ARHGAP25: variants seen among roughly 807,000 people sequenced by gnomAD.
ARHGAP25 encodes rho GTPase-activating protein 25.
ARHGAP25 carries 34 observed loss-of-function variants against 71.0 expected under a neutral mutation model. The observed-to-expected ratio is 0.48, with a 90% CI of 0.36 to 0.64. The LOEUF (loss-of-function observed/expected upper bound fraction) is 0.64. Ranked by LOEUF, ARHGAP25 falls within the 30% of genes least tolerant of loss-of-function variation. The pLI is 0.00. For missense variants in ARHGAP25, 706 were observed against 805.1 expected (o/e 0.88, Z 1.49); for synonymous variants, 282 against 296.5 (o/e 0.95, Z 0.50).
chr2:68,789,898 G>A (rs568357083), intron 4 of ARHGAP25, among the ~76,000 whole-genome samples: 14 of 152,220 alleles, frequency 9.2e-5, no homozygotes, highest in South Asian at 4.2e-4. Context: ...TCCTGTAGGC[G>A]GTGGAAAGTC....
chr2:68,807,305 G>A lies in ARHGAP25; in HGVS notation c.499G>A (p.Ala167Thr), dbSNP rs763411275. ...VFGQRLDETV[A>T]YEQKFGPHLV... The stretch of plus-strand genomic sequence containing the variant: ...TGGCCAGCGCTTGGATGAGACTGTG[G>A]CCTATGAACAGAAATTCGGCCCCCA... The change falls in exon 5 of 11, where the codon GCC becomes ACC. Residue 167 changes from alanine to threonine, a missense_variant. By Grantham distance (58) the Ala-to-Thr change is moderately conservative (BLOSUM62 0). Coordinates refer to ENST00000409202, the MANE Select transcript of ARHGAP25 (RefSeq NM_001007231.3). The A allele has an allele frequency of 6.2e-7, 1 of 1,614,222 alleles. No homozygotes were observed. Among genetic ancestry groups the A allele is most frequent in the Middle Eastern group, 1.6e-4 (1 of 6,062 alleles).
intron 10 of ARHGAP25, among the ~76,000 whole-genome samples, chr2:68,825,213 C>T (rs1682027621): frequency 6.6e-6 from 1 of 152,166 alleles, no homozygotes; most frequent in South Asian, 2.1e-4. Context: ...TCTTGGTCCC[C>T]AGGAGATCCT....
chr2:68,754,331 A>T (rs574395009), intron 1 of ARHGAP25, among the ~76,000 whole-genome samples: 55 of 152,344 alleles, frequency 3.6e-4, no homozygotes, highest in African/African-American at 1.3e-3. Flanking sequence ...TCAAAATGTC[A>T]TATAAATGAA....
At chr2:68,721,957 C>T (rs1230818770) in intron 2 of ARHGAP25, among the ~76,000 whole-genome samples, 3 of 152,204 alleles carry the variant, frequency 2.0e-5, no homozygotes, top group African/African-American at 4.8e-5. Flanking sequence ...TGTCATTGTT[C>T]GCACACTTGC....
In ARHGAP25 at chr2:68,781,806, C is replaced by T. The variant is rs535912356; in HGVS notation, c.262-427C>T. ...TGCGAGCACCTTCTACTCAATACCC[C>T]ATCCCCTCCAATGGTCACCTGAGTG... On this transcript the variant is annotated intron_variant, in intron 2 of 10. Coordinates refer to ENST00000409202, the MANE Select transcript of ARHGAP25 (RefSeq NM_001007231.3). Among the ~76,000 whole-genome samples the T allele has an allele frequency of 1.3e-4, 20 of 152,286 alleles. No individual in the cohort carries two copies. In the South Asian group the frequency reaches 3.9e-3, roughly 30 times the overall value.
chr2:68,822,353 A>T lies in ARHGAP25; in HGVS notation c.1214A>T (p.Asp405Val), dbSNP rs765122338. ...TTTCTTTTCTAGACAAGCGACTCTG[A>T]TACAACCAGCCCCACCGGACAGCAG... is the stretch of plus-strand genomic sequence containing the variant. ...DSFSSMTSDS[D>V]TTSPTGQQPS... is the part of the protein sequence containing the mutation. Residue 405 changes from aspartate (D) to valine (V), a missense_variant, in exon 10 of 11, where the codon GAT (aspartate) becomes GTT (valine). Physicochemically the swap from Asp to Val is radical, Grantham distance 152. Coordinates refer to ENST00000409202, the MANE Select transcript of ARHGAP25 (RefSeq NM_001007231.3). The T allele has an allele frequency of 1.2e-5, 20 of 1,613,460 alleles. No individual in the cohort carries two copies. Among genetic ancestry groups the T allele is most frequent in the Non-Finnish European group, 1.5e-5 (18 of 1,179,774 alleles).
At chr2:68,810,726 C>T (rs1680733237) in intron 5 of ARHGAP25, among the ~76,000 whole-genome samples, 1 of 124,092 alleles carries the variant, frequency 8.1e-6, no homozygotes, top group African/African-American at 3.0e-5. Flanking sequence ...CTTTTCTTTT[C>T]TTCTCTTTTT....
chr2:68,719,934 A>G (rs1674714505), intron 2 of ARHGAP25, among the ~76,000 whole-genome samples: 1 of 152,178 alleles, frequency 6.6e-6, no homozygotes, highest in Admixed American at 6.5e-5. Context: ...ACTCAGAATA[A>G]GGTACGCCTA....
rs1460463440 is a variant in ARHGAP25 at position 68,788,208 on chromosome 2, C to A, written c.466+252C>A. Among the ~76,000 whole-genome samples the A allele has an allele frequency of 6.6e-6, 1 of 152,210 alleles. No individual in the cohort carries two copies. The highest frequency in any genetic ancestry group is 2.4e-5 in the African/African-American group (1 of 41,458). ...CAAATTAACTGGAGGGAAGGCAAGT[C>A]TTTTGCAGTGAGTAAATGTGTATGA... On this transcript the variant is annotated intron_variant, in intron 4 of 10. Transcript: ENST00000409202.
chr2:68,738,745 C>T (rs145932902), intron 1 of ARHGAP25, among the ~76,000 whole-genome samples: 13,833 of 150,824 alleles, frequency 0.092, 744 homozygotes, highest in East Asian at 0.25. Flanking sequence ...TGCTTGAATC[C>T]GGGAGGCGGA....
chr2:68,808,122 C>T (rs940505409), intron 5 of ARHGAP25, among the ~76,000 whole-genome samples: 1 of 152,108 alleles, frequency 6.6e-6, no homozygotes, highest in Non-Finnish European at 1.5e-5. Context: ...CCACCTTCTC[C>T]AGCCACTCAG....
chr2:68,743,675 C>T (rs1483137989), intron 1 of ARHGAP25, among the ~76,000 whole-genome samples: 1 of 152,136 alleles, frequency 6.6e-6, no homozygotes. Flanking sequence ...AGTCCATTCT[C>T]AGCCCAGCCC....
chr2:68,809,788 C>T (rs577672697), intron 5 of ARHGAP25, among the ~76,000 whole-genome samples: 12 of 152,116 alleles, frequency 7.9e-5, no homozygotes, highest in Non-Finnish European at 1.3e-4. Flanking sequence ...TGCTGGATTC[C>T]ACCCCAAGAT....
chr2:68,774,053 A>G (rs1342377571), intron 1 of ARHGAP25, among the ~76,000 whole-genome samples: 4 of 152,162 alleles, frequency 2.6e-5, no homozygotes, highest in Non-Finnish European at 5.9e-5. Context: ...AGCAGAGTTG[A>G]TAGCTTAGTT....
chr2:68,818,989 G>A, intron 8 of ARHGAP25, 134 bp from the exon 9 acceptor site: 1 of 713,830 alleles, frequency 1.4e-6, no homozygotes, highest in Non-Finnish European at 2.3e-6. Context: ...AGGGTCTTTT[G>A]AGAAGCAAAA....
chr2:68,765,326 AG>A (rs1434275522), intron 1 of ARHGAP25, among the ~76,000 whole-genome samples: 1 of 151,794 alleles, frequency 6.6e-6, no homozygotes, highest in African/African-American at 2.4e-5. Context: ...CTTGGAAAAT[AG>A]ACAAGTTGAA....
chr2:68,810,600 C>G (rs1680714103), intron 5 of ARHGAP25, among the ~76,000 whole-genome samples: 1 of 152,016 alleles, frequency 6.6e-6, no homozygotes, highest in East Asian at 1.9e-4. Context: ...TATTTATAAT[C>G]CCTTTCTCTT....
chr2:68,729,031 T>C (rs2104266819), intron 2 of ARHGAP25, among the ~76,000 whole-genome samples: 1 of 152,360 alleles, frequency 6.6e-6, no homozygotes, highest in African/African-American at 2.4e-5. Flanking sequence ...CTTCATTATG[T>C]GAAATGTCCA....
chr2:68,825,116 T>A (rs1682018206), intron 10 of ARHGAP25, among the ~76,000 whole-genome samples: 1 of 152,150 alleles, frequency 6.6e-6, no homozygotes, highest in South Asian at 2.1e-4. Context: ...ATCCCACAGA[T>A]TTTTCACCTG....
Sources: gnomAD v4.1 joint callset for allele counts (sites outside exome capture counted in the v4.1 genomes callset) on GRCh38, gnomAD v4.1.1 for gene constraint, MANE v1.5 for transcripts, NCBI Gene and HGNC (gene_info 2026-07-23, HGNC 2026-07-21) for gene names.